Variants in SERPINA9 observed in about 807,000 individuals in gnomAD.
SERPINA9 encodes serpin A9.
Under a neutral mutation model 24.5 loss-of-function variants are expected in SERPINA9, and 32 were observed. The ratio of observed to expected loss-of-function variants is 1.30; its 90% confidence interval spans 0.98 to 1.75. The LOEUF is 1.75. Among genes scored for constraint, SERPINA9 ranks in the 40% most tolerant of loss-of-function variants. The pLI, the probability that SERPINA9 is intolerant of heterozygous loss-of-function variation, is 0.00. For synonymous variants in SERPINA9, 233 were observed against 197.7 expected, an observed-to-expected ratio of 1.18 and a Z score of -1.50; for missense variants, 594 against 497.1, an observed-to-expected ratio of 1.19 and a Z score of -1.85.
intron 1 of SERPINA9, among the ~76,000 whole-genome samples, chr14:94,473,642 TG>T (rs1240961764): frequency 3.3e-5 from 5 of 151,996 alleles, no homozygotes; most frequent in Non-Finnish European, 7.4e-5. Flanking sequence ...TGTGACAGAC[TG>T]GGGCTCTTCA....
chr14:94,471,773 C>T (rs1899331631), intron 1 of SERPINA9, among the ~76,000 whole-genome samples: 1 of 152,134 alleles, frequency 6.6e-6, no homozygotes, highest in Non-Finnish European at 1.5e-5. Context: ...TTTACCCATG[C>T]TGCCATCTTC....
At chr14:94,470,147 T>G in intron 1 of SERPINA9, 1 of 1,126,922 alleles carries the variant, frequency 8.9e-7, no homozygotes, top group Non-Finnish European at 1.1e-6. Context: ...AGGTCTCAAA[T>G]TCCAAATCCC....
chr14:94,463,777 T>C (rs146809394), intron 4 of SERPINA9, among the ~76,000 whole-genome samples: 149 of 152,316 alleles, frequency 9.8e-4, no homozygotes, highest in African/African-American at 3.4e-3. Flanking sequence ...GAAGAGATTC[T>C]TAACCTGGAG....
chr14:94,465,697 T>G (rs1264458752), intron 3 of SERPINA9, among the ~76,000 whole-genome samples: 1 of 152,114 alleles, frequency 6.6e-6, no homozygotes, highest in Non-Finnish European at 1.5e-5. Flanking sequence ...CCGGCTAATT[T>G]TTTTGTATTT....
chr14:94,470,406 G>A (rs1899255535), intron 1 of SERPINA9, among the ~76,000 whole-genome samples: 1 of 152,168 alleles, frequency 6.6e-6, no homozygotes, highest in African/African-American at 2.4e-5. Context: ...TTTTTGCTGT[G>A]CTCCTTCAGG....
chr14:94,473,294 G>A (rs1240977706), intron 1 of SERPINA9, among the ~76,000 whole-genome samples: 3 of 152,278 alleles, frequency 2.0e-5, no homozygotes, highest in Non-Finnish European at 4.4e-5. Flanking sequence ...CGAGGCAGGT[G>A]GATCACCTGA....
chr14:94,470,132 A>G lies in SERPINA9; in HGVS notation c.-17-275T>C, dbSNP rs142177858. 3.9e-4 allele frequency: 430 copies of G among 1,099,882 alleles called. No homozygotes were observed. The African/African-American group carries it at 6.4e-3, about 16-fold the overall frequency. 68.1% of individuals were successfully genotyped at this position (1,099,882 alleles called of 1,614,324 possible). On this transcript the variant is annotated intron_variant, in intron 1 of 4. Coordinates refer to ENST00000674397, the MANE Select transcript of SERPINA9 (RefSeq NM_175739.4). ...TTGTCTGTGTTCTGTGTGGGCTTCAAAGTCAGGTCTCAAATTCCAAATCCC... is the reference window on the plus strand; with the variant it reads ...TTGTCTGTGTTCTGTGTGGGCTTCAGAGTCAGGTCTCAAATTCCAAATCCC...
At chr14:94,466,240 C>G (rs1898999236) in intron 3 of SERPINA9, among the ~76,000 whole-genome samples, 1 of 152,208 alleles carries the variant, frequency 6.6e-6, no homozygotes, top group African/African-American at 2.4e-5. Context: ...TCTACCAAAG[C>G]TGCCCTTGCC....
At chr14:94,474,471 G>A (rs1450201834) in intron 1 of SERPINA9, among the ~76,000 whole-genome samples, 1 of 152,096 alleles carries the variant, frequency 6.6e-6, no homozygotes, top group Non-Finnish European at 1.5e-5. Flanking sequence ...GTCTCAAAAG[G>A]CCCTCTCTTC....
chr14:94,476,040 C>A, intron 1 of SERPINA9, 96 bp downstream of exon 1: 2 of 1,570,866 alleles, frequency 1.3e-6, no homozygotes, highest in Non-Finnish European at 1.7e-6. Flanking sequence ...GACTTCCCAG[C>A]TGCATTTGAC....
chr14:94,470,583 T>C lies in SERPINA9; in HGVS notation c.-17-726A>G, dbSNP rs1899263102. 3.3e-5 allele frequency among the ~76,000 whole-genome samples: 5 copies of C among 152,340 alleles called. No individual in the cohort carries two copies. The South Asian group carries it at 6.2e-4, about 19-fold the overall frequency. On this transcript the variant is annotated intron_variant, in intron 1 of 4. Transcript: ENST00000674397. The stretch of plus-strand genomic sequence containing the variant: ...ACAGGGCTGGGCTTGAATCTAACCC[T>C]GACATTCGTGGTGGACAAGTAACCT...
At chr14:94,467,087 G>A (rs1210814065) in intron 3 of SERPINA9, 22 bp downstream of exon 3, 1 of 1,608,210 alleles carries the variant, frequency 6.2e-7, no homozygotes, top group South Asian at 1.1e-5. Flanking sequence ...TCAGGGCCCA[G>A]GAGATTGACA....
At chr14:94,467,078 C>T (rs1264033039) in intron 3 of SERPINA9, 31 bp downstream of exon 3, 1 of 1,602,816 alleles carries the variant, frequency 6.2e-7, no homozygotes, top group Non-Finnish European at 8.5e-7. Flanking sequence ...TCCCCTGCCT[C>T]AGGGCCCAGG....
At position 94,469,521 on chromosome 14, in the gene SERPINA9, T is replaced by C. The variant is rs1899195607; in HGVS notation, c.320A>G (p.Glu107Gly). ...GLGFNLTHTP[E>G]SAIHQGFQHL... ...CTGGAAGCCCTGGTGGATGGCAGAC[T>C]CTGGTGTGTGTGTGAGGTTGAAGCC... The change falls in exon 2 of 5, where the codon GAG becomes GGG. Residue 107 changes from glutamate to glycine, a missense_variant. By Grantham distance (98) the Glu-to-Gly change is moderately conservative (BLOSUM62 -2). Transcript: ENST00000674397. 4 of 1,614,148 alleles carry C rather than the reference T, an allele frequency of 2.5e-6. No individual in the cohort carries two copies. Among genetic ancestry groups the C allele is most frequent in the Middle Eastern group, 1.6e-4 (1 of 6,062 alleles).
intron 2 of SERPINA9, 89 bp from the exon 3 acceptor site, chr14:94,467,471 G>T: frequency 2.4e-6 from 3 of 1,247,500 alleles, no homozygotes; most frequent in Non-Finnish European, 3.3e-6. Flanking sequence ...TACTTCTAGT[G>T]GGTATGAGGT....
At chr14:94,475,365 G>A in intron 1 of SERPINA9, among the ~76,000 whole-genome samples, 1 of 152,018 alleles carries the variant, frequency 6.6e-6, no homozygotes, top group East Asian at 1.9e-4. Flanking sequence ...TTCCAGGGTG[G>A]AATGGATGCC....
chr14:94,464,530 T>C, intron 4 of SERPINA9, 177 bp downstream of exon 4: 6 of 595,952 alleles, frequency 1.0e-5, no homozygotes, highest in Non-Finnish European at 1.8e-5. Flanking sequence ...GGATAACAGA[T>C]GCTGCATGCC....
chr14:94,475,306 C>T (rs546274317), intron 1 of SERPINA9, among the ~76,000 whole-genome samples: 1 of 152,280 alleles, frequency 6.6e-6, no homozygotes, highest in African/African-American at 2.4e-5. Context: ...AGCTCACTCT[C>T]CCATTTTCAG....
intron 3 of SERPINA9, among the ~76,000 whole-genome samples, chr14:94,466,388 G>A (rs1177699093): frequency 2.0e-5 from 3 of 152,144 alleles, no homozygotes; most frequent in African/African-American, 4.8e-5. Context: ...CTCCCGTGGG[G>A]CATTGCCCAA....
Sources: allele counts gnomAD v4.1 joint callset (sites outside exome capture counted in the v4.1 genomes callset), GRCh38; gene constraint gnomAD v4.1.1; transcripts MANE v1.5; gene names NCBI Gene and HGNC (gene_info 2026-07-23, HGNC 2026-07-21).